SYN3: variants seen among roughly 807,000 people sequenced by gnomAD.
SYN3 encodes synapsin III.
A neutral mutation model predicts 65.8 loss-of-function variants in SYN3; 35 were observed. The ratio of observed to expected loss-of-function variants is 0.53; its 90% CI spans 0.41 to 0.70. The LOEUF (loss-of-function observed/expected upper bound fraction) is 0.70. Among genes scored for constraint, SYN3 ranks in the 30% least tolerant of loss-of-function variants. The pLI, the probability that SYN3 is intolerant of heterozygous loss-of-function variation, is 0.00. For synonymous variants in SYN3, 270 were observed against 292.9 expected (o/e 0.92, Z 0.80); for missense variants, 680 against 749.0 (o/e 0.91, Z 1.08).
At chr22:33,014,931 G>T in intron 1 of SYN3, 1 of 177,114 alleles carries the variant, frequency 5.6e-6, no homozygotes, top group South Asian at 1.7e-4. Context: ...GGGGTCTGGA[G>T]GCAAAGTATG....
At chr22:33,009,251 T>C (rs1233229126) in intron 1 of SYN3, among the ~76,000 whole-genome samples, 2 of 152,122 alleles carry the variant, frequency 1.3e-5, no homozygotes, top group African/African-American at 4.8e-5. Context: ...CATTTGAGAG[T>C]TCCCGTTCCT....
chr22:32,768,572 T>A (rs936779402), intron 6 of SYN3, among the ~76,000 whole-genome samples: 1 of 152,146 alleles, frequency 6.6e-6, no homozygotes, highest in Non-Finnish European at 1.5e-5. Context: ...AATGTGTGTA[T>A]CCCATGGGCA....
chr22:33,021,445 C>G (rs116207106), intron 1 of SYN3, among the ~76,000 whole-genome samples: 1 of 152,138 alleles, frequency 6.6e-6, no homozygotes, highest in South Asian at 2.1e-4. Flanking sequence ...ATCTTGATGA[C>G]GTAGTGTTTC....
intron 1 of SYN3, among the ~76,000 whole-genome samples, chr22:33,027,200 G>A (rs2145880498): frequency 6.6e-6 from 1 of 151,896 alleles, no homozygotes; most frequent in East Asian, 1.9e-4. Flanking sequence ...AAAACACTCT[G>A]ATATATATCT....
chr22:32,861,782 T>C (rs2048546592), intron 6 of SYN3: 2 of 152,658 alleles, frequency 1.3e-5, no homozygotes, highest in Admixed American at 6.5e-5. Flanking sequence ...GCTTTGTTTA[T>C]TTCACCCGTT....
chr22:32,667,798 CTTT>C (rs759464712), intron 6 of SYN3, among the ~76,000 whole-genome samples: 1 of 139,116 alleles, frequency 7.2e-6, no homozygotes. Context: ...TTCTTTCTTT[CTTT>C]TTTTTTTTTT....
At position 32,508,260 on chromosome 22, in the gene SYN3, CCTT is replaced by C. The variant is rs1364749074; in HGVS notation, c.*5429_*5431del. Among the ~76,000 whole-genome samples the C allele has an allele frequency of 1.3e-5, 2 of 152,160 alleles. No homozygotes were observed. The highest frequency in any genetic ancestry group is 4.8e-5 in the African/African-American group (2 of 41,440). On this transcript the variant is annotated 3_prime_UTR_variant, in exon 14 of 14. Transcript: ENST00000358763. ...ACTGAGTGATTAACCCTGTAAATTT[CCTT>C]CTTCTGGCTCAGAAGCTCCCGCACT...
chr22:32,718,208 C>T lies in SYN3; in HGVS notation c.712-121472G>A, dbSNP rs566940797. 4.5e-4 allele frequency among the ~76,000 whole-genome samples: 68 copies of T among 152,246 alleles called. 1 individual carries two copies. The South Asian group carries it at 0.012, about 27-fold the overall frequency. On this transcript the variant is annotated intron_variant, in intron 6 of 13. Coordinates refer to ENST00000358763, the MANE Select transcript of SYN3 (RefSeq NM_003490.4). ...GGAGGGGCCCAGGCTGGGGAGCTTA[C>T]GGCCTTGCTTCCCATATTCTCCCAC... is the stretch of plus-strand genomic sequence containing the variant.
intron 6 of SYN3, among the ~76,000 whole-genome samples, chr22:32,637,046 T>A (rs931006716): frequency 6.6e-6 from 1 of 152,212 alleles, no homozygotes; most frequent in Non-Finnish European, 1.5e-5. Flanking sequence ...TGAGAACCAC[T>A]GAACTAGAAA....
intron 3 of SYN3, among the ~76,000 whole-genome samples, chr22:32,934,181 C>T (rs574461258): frequency 1.3e-5 from 2 of 152,138 alleles, no homozygotes; most frequent in South Asian, 2.1e-4. Context: ...TGCTTATGTG[C>T]GCAGATAAAA....
At chr22:32,707,060 G>C (rs891228639) in intron 6 of SYN3, among the ~76,000 whole-genome samples, 1 of 152,102 alleles carries the variant, frequency 6.6e-6, no homozygotes, top group Admixed American at 6.5e-5. Flanking sequence ...ACTGTTTGCT[G>C]TCCTCCCTTC....
intron 7 of SYN3, among the ~76,000 whole-genome samples, chr22:32,581,846 GA>G (rs1366056611): frequency 7.3e-6 from 1 of 136,832 alleles, no homozygotes; most frequent in Non-Finnish European, 1.5e-5. Context: ...GCCCAGGTTG[GA>G]GTGCGGTGGT....
At chr22:32,995,883 G>A (rs536110277) in intron 2 of SYN3, among the ~76,000 whole-genome samples, 6 of 152,064 alleles carry the variant, frequency 3.9e-5, no homozygotes, top group South Asian at 2.1e-4. Flanking sequence ...GGATGGTCTC[G>A]ATCTCCTGAC....
At chr22:32,749,347 A>C (rs2045040387) in intron 6 of SYN3, among the ~76,000 whole-genome samples, 1 of 135,388 alleles carries the variant, frequency 7.4e-6, no homozygotes. Flanking sequence ...TCAAAGGTTA[A>C]GTTTCAACAT....
chr22:32,804,651 T>C (rs573399448), intron 6 of SYN3, among the ~76,000 whole-genome samples: 32 of 152,328 alleles, frequency 2.1e-4, no homozygotes, highest in African/African-American at 7.7e-4. Context: ...GTGTCTCTTT[T>C]TGTCTTTTTT....
At chr22:33,017,551 A>G (rs1327305786) in intron 1 of SYN3, among the ~76,000 whole-genome samples, 1 of 152,106 alleles carries the variant, frequency 6.6e-6, no homozygotes, top group Admixed American at 6.5e-5. Context: ...TCTTTCACCA[A>G]TGTTTTATAG....
At chr22:32,700,818 A>G (rs143210715) in intron 6 of SYN3, among the ~76,000 whole-genome samples, 37 of 152,274 alleles carry the variant, frequency 2.4e-4, no homozygotes, top group African/African-American at 8.7e-4. Context: ...CCTAACATCA[A>G]CCACTTGGAT....
chr22:32,948,174 G>A (rs569854296), intron 3 of SYN3, among the ~76,000 whole-genome samples: 19 of 152,194 alleles, frequency 1.2e-4, no homozygotes, highest in Non-Finnish European at 2.4e-4. Context: ...TTAAGGACTT[G>A]TGTGGTTTGA....
At position 32,984,161 on chromosome 22, in the gene SYN3, C is replaced by CAA. The variant is rs35678412; in HGVS notation, c.312-3461_312-3460dup. Among the ~76,000 whole-genome samples the CAA allele has an allele frequency of 9.7e-5, 9 of 92,986 alleles. No individual in the cohort carries two copies. In the South Asian group the frequency reaches 1.1e-3, roughly 12 times the overall value. 61.0% of individuals were successfully genotyped at this position (92,986 alleles called of 152,430 possible). On this transcript the variant is annotated intron_variant, in intron 2 of 13. Coordinates refer to ENST00000358763, the MANE Select transcript of SYN3 (RefSeq NM_003490.4). ...TGGGCGACAAGAATGAAACTCCATC[C>CAA]AAAAAAAAAAAAAAAAAAGAAAAAG...
Sources: gnomAD v4.1 joint callset for allele counts (sites outside exome capture counted in the v4.1 genomes callset) on GRCh38, gnomAD v4.1.1 for gene constraint, MANE v1.5 for transcripts, NCBI Gene and HGNC (gene_info 2026-07-23, HGNC 2026-07-21) for gene names.